The following SLC39A10 variants were observed in gnomAD, a reference collection of about 807,000 sequenced individuals.
SLC39A10 encodes the protein solute carrier family 39 member 10.
In SLC39A10, 13 loss-of-function variants were observed where a neutral mutation model predicts 65.1. That is an observed-to-expected ratio of 0.20 (90% CI 0.13 to 0.32). The LOEUF (loss-of-function observed/expected upper bound fraction) is 0.32, where lower values mean the gene tolerates loss of function less well. Ranked by LOEUF, SLC39A10 falls within the 10% of genes least tolerant of loss-of-function variation. The pLI, the probability that SLC39A10 is intolerant of heterozygous loss-of-function variation, is 1.00. For missense variants in SLC39A10, 831 were observed against 1,018.4 expected (o/e 0.82, Z 2.50); for synonymous variants, 321 against 342.2 (o/e 0.94, Z 0.68).
At chr2:195,670,854 T>C (rs1356915043) in intron 1 of SLC39A10, among the ~76,000 whole-genome samples, 5 of 152,240 alleles carry the variant, frequency 3.3e-5, no homozygotes, top group Admixed American at 2.0e-4. Flanking sequence ...GATGTGTTTC[T>C]AGAAATTATG....
upstream of SLC39A10, among the ~76,000 whole-genome samples, chr2:195,655,714 C>T (rs1429183043): frequency 2.0e-5 from 3 of 152,350 alleles, no homozygotes; most frequent in Admixed American, 6.5e-5. Context: ...CTCCACACCT[C>T]AGGACTTCTC....
At chr2:195,696,329 A>AC (rs1677735277) in intron 3 of SLC39A10, among the ~76,000 whole-genome samples, 1 of 151,856 alleles carries the variant, frequency 6.6e-6, no homozygotes, top group South Asian at 2.1e-4. Flanking sequence ...GAAAAAAAAA[A>AC]AAAAAACCTA....
chr2:195,690,196 A>AAAAAG (rs1690683433), intron 3 of SLC39A10, among the ~76,000 whole-genome samples: 1 of 142,438 alleles, frequency 7.0e-6, no homozygotes, highest in African/African-American at 2.5e-5. Context: ...AAAAAAAAAA[A>AAAAAG]AAAGAAAGAA....
At chr2:195,658,924 A>G (rs1288016226) in intron 1 of SLC39A10, among the ~76,000 whole-genome samples, 1 of 152,268 alleles carries the variant, frequency 6.6e-6, no homozygotes, top group African/African-American at 2.4e-5. Flanking sequence ...TGTATGAAAT[A>G]CATAGAATTG....
At chr2:195,720,009 C>G (rs527742530) in intron 8 of SLC39A10, among the ~76,000 whole-genome samples, 1 of 151,878 alleles carries the variant, frequency 6.6e-6, no homozygotes, top group African/African-American at 2.4e-5. Context: ...AGGCTGGTCT[C>G]GAACTCCTGA....
chr2:195,634,069 A>G (rs1324806126), intron 2 of SLC39A10, among the ~76,000 whole-genome samples: 2 of 152,262 alleles, frequency 1.3e-5, no homozygotes, highest in Admixed American at 1.3e-4. Flanking sequence ...GTATCAAAAG[A>G]TAGAGCAACT....
chr2:195,634,698 T>A (rs1191162834), intron 2 of SLC39A10, among the ~76,000 whole-genome samples: 1 of 152,182 alleles, frequency 6.6e-6, no homozygotes, highest in African/African-American at 2.4e-5. Context: ...TTTTATCTCA[T>A]ATAATAAGAA....
rs577354550 is a variant in SLC39A10, at chr2:195,684,113, A to G, written c.1216+207A>G. On this transcript the variant is annotated intron_variant, in intron 3 of 9. Coordinates refer to ENST00000359634, the MANE Select transcript of SLC39A10 (RefSeq NM_020342.3). Reference sequence around the variant, plus strand: ...GTGTTTTATTTATCTCTTCTGGTATATTACAAAGGGATATTTTGCTATGGA... The same window carrying G: ...GTGTTTTATTTATCTCTTCTGGTATGTTACAAAGGGATATTTTGCTATGGA... 2.6e-5 allele frequency among the ~76,000 whole-genome samples: 4 copies of G among 152,192 alleles called. No individual in the cohort carries two copies. The East Asian group carries it at 7.7e-4, about 29-fold the overall frequency.
chr2:195,617,700 G>GTTTAT (rs542710118), intron 2 of SLC39A10, among the ~76,000 whole-genome samples: 2 of 97,542 alleles, frequency 2.1e-5, no homozygotes, highest in African/African-American at 3.6e-5. Context: ...GTGAGACCTT[G>GTTTAT]TTTCTTTTCT....
intron 1 of SLC39A10, among the ~76,000 whole-genome samples, chr2:195,669,518 T>C (rs759495148): frequency 4.9e-4 from 75 of 152,356 alleles, no homozygotes; most frequent in Middle Eastern, 6.8e-3. Context: ...ACATTTTTAT[T>C]ATGTTCATCT....
chr2:195,720,286 G>A (rs1691982004), intron 8 of SLC39A10, among the ~76,000 whole-genome samples: 2 of 151,912 alleles, frequency 1.3e-5, no homozygotes, highest in South Asian at 4.2e-4. Flanking sequence ...TATTTTAGTT[G>A]GTATTTATTG....
intron 1 of SLC39A10, among the ~76,000 whole-genome samples, chr2:195,659,428 C>T (rs1247602826): frequency 6.6e-6 from 1 of 152,118 alleles, no homozygotes; most frequent in East Asian, 1.9e-4. Context: ...AAGTACTAAT[C>T]TAGGGGGTGT....
chr2:195,662,308 C>T (rs1374526213), intron 1 of SLC39A10, among the ~76,000 whole-genome samples: 1 of 148,372 alleles, frequency 6.7e-6, no homozygotes, highest in African/African-American at 2.5e-5. Context: ...TATCTCTGTT[C>T]CCCAGGCTGG....
rs1270600628 is a variant in SLC39A10, at chr2:195,736,373, A to G, written c.*1332A>G. 1 of 166,686 alleles carries G rather than the reference A, an allele frequency of 6.0e-6. No homozygotes were observed. Among genetic ancestry groups the G allele is most frequent in the Non-Finnish European group, 1.5e-5 (1 of 68,122 alleles). The allele number at this position is 166,686 out of a possible 1,614,324, so 10.3% of individuals were successfully genotyped here. On this transcript the variant is annotated 3_prime_UTR_variant, in exon 10 of 10. Coordinates refer to ENST00000359634, the MANE Select transcript of SLC39A10 (RefSeq NM_020342.3). ...GCATGTAGCTTTCTGTTTACATCCTATGCCACATGGTCTTCATTTATGCCA... is the reference window on the plus strand; with the variant it reads ...GCATGTAGCTTTCTGTTTACATCCTGTGCCACATGGTCTTCATTTATGCCA...
At chr2:195,654,688 A>G (rs918340096), upstream of SLC39A10, among the ~76,000 whole-genome samples, 4 of 152,234 alleles carry the variant, frequency 2.6e-5, no homozygotes, top group African/African-American at 9.6e-5. Context: ...AAAATGTCTT[A>G]CACTTTCAGA....
chr2:195,657,128 G>C (rs1445049294), upstream of SLC39A10: 1 of 153,024 alleles, frequency 6.5e-6, no homozygotes, highest in Non-Finnish European at 1.5e-5. Context: ...GCAGGGAGCT[G>C]AGTGGACCTT....
intron 3 of SLC39A10, among the ~76,000 whole-genome samples, chr2:195,684,299 T>A (rs1479234215): frequency 6.6e-6 from 1 of 152,132 alleles, no homozygotes; most frequent in Non-Finnish European, 1.5e-5. Context: ...GATTAAAATT[T>A]TAAAGACATA....
rs373009908 is a variant in SLC39A10, at chr2:195,706,644, T to C, written c.1245T>C (p.Thr415=). ...SAWICGIISI[T]VISLLSLLGV... ...GGATTTGTGGTATCATTTCTATCACTGTCATTAGCCTGCTTTCCTTGCTAG... is the reference window on the plus strand; with the variant it reads ...GGATTTGTGGTATCATTTCTATCACCGTCATTAGCCTGCTTTCCTTGCTAG... The change falls in exon 4 of 10, where the codon ACT becomes ACC. Residue 415 remains threonine, a synonymous_variant. Transcript: ENST00000359634. 6.2e-7 allele frequency: 1 copy of C among 1,612,454 alleles called. No individual in the cohort carries two copies. The highest frequency in any genetic ancestry group is 1.3e-5 in the African/African-American group (1 of 74,764).
At chr2:195,630,927 G>A (rs866657473) in intron 2 of SLC39A10, among the ~76,000 whole-genome samples, 2 of 152,180 alleles carry the variant, frequency 1.3e-5, no homozygotes, top group African/African-American at 4.8e-5. Context: ...GGTGGCTCAT[G>A]CCTGTAATCC....
Sources: allele counts gnomAD v4.1 joint callset (sites outside exome capture counted in the v4.1 genomes callset), GRCh38; gene constraint gnomAD v4.1.1; transcripts MANE v1.5; gene names NCBI Gene and HGNC (gene_info 2026-07-23, HGNC 2026-07-21).